The following CLIP3 variants were observed in gnomAD, a reference collection of about 807,000 sequenced individuals.
The protein encoded by CLIP3 is CAP-Gly domain-containing linker protein 3.
CLIP3 carries 15 observed loss-of-function variants against 59.4 expected under a neutral mutation model. That is an observed-to-expected ratio of 0.25 (90% CI 0.17 to 0.39). The LOEUF (loss-of-function observed/expected upper bound fraction) is 0.39. Ranked by LOEUF, CLIP3 falls within the 10% of genes least tolerant of loss-of-function variation. CLIP3 has a pLI of 1.00. For synonymous variants in CLIP3, 300 were observed against 321.6 expected, an observed-to-expected ratio of 0.93 and a Z score of 0.72; for missense variants, 495 against 765.7, an observed-to-expected ratio of 0.65 and a Z score of 4.17.
chr19:36,022,576 C>A (rs1016425227), intron 7 of CLIP3, among the ~76,000 whole-genome samples: 1 of 152,168 alleles, frequency 6.6e-6, no homozygotes, highest in African/African-American at 2.4e-5. Context: ...GTCAACCCAA[C>A]CTTCCTTCTG....
At chr19:36,031,898 G>C (rs1028010682) in intron 2 of CLIP3, among the ~76,000 whole-genome samples, 1 of 152,170 alleles carries the variant, frequency 6.6e-6, no homozygotes, top group East Asian at 1.9e-4. Context: ...CTTGCCCCCT[G>C]CTGTGGCCCC....
In CLIP3 at chr19:36,018,912, C is replaced by T. The variant is rs142192082; in HGVS notation, c.1169G>A (p.Arg390His). Reference protein sequence around the residue: ...MDFSRVTGKGRREHKGKKKTP... With the variant: ...MDFSRVTGKGHREHKGKKKTP... ...CCCTCTCTGACCTTTGTGTTCCCTGCGGCCTTTGCCGGTGACACGGGAGAA... is the reference window on the plus strand; with the variant it reads ...CCCTCTCTGACCTTTGTGTTCCCTGTGGCCTTTGCCGGTGACACGGGAGAA... The change falls in exon 9 of 14, where the codon CGC becomes CAC. Residue 390 changes from arginine to histidine, a missense_variant. Coordinates refer to ENST00000360535, the MANE Select transcript of CLIP3 (RefSeq NM_015526.3). 1.5e-4 allele frequency: 249 copies of T among 1,613,246 alleles called. No homozygotes were observed. Among genetic ancestry groups the T allele is most frequent in the Middle Eastern group, 3.3e-4 (2 of 6,080 alleles).
chr19:36,021,622 C>T (rs1968953858), intron 7 of CLIP3, among the ~76,000 whole-genome samples: 1 of 151,868 alleles, frequency 6.6e-6, no homozygotes. Flanking sequence ...TGAGGTCTCA[C>T]TATGTTGCCC....
intron 2 of CLIP3, among the ~76,000 whole-genome samples, chr19:36,030,518 A>G (rs1004253874): frequency 1.3e-5 from 2 of 152,002 alleles, no homozygotes; most frequent in Non-Finnish European, 2.9e-5. Flanking sequence ...CCCAGCCTGC[A>G]TATCTTCCAA....
chr19:36,016,227 G>C lies in CLIP3; in HGVS notation c.1590-15C>G, dbSNP rs755615918. ...AGAACAGCAACCTGGAAAGGAGGATGACAGGGTCACGCCCTTAGGCAGGCA... is the reference window on the plus strand; with the variant it reads ...AGAACAGCAACCTGGAAAGGAGGATCACAGGGTCACGCCCTTAGGCAGGCA... On this transcript the variant is annotated splice_polypyrimidine_tract_variant and intron_variant, in intron 13 of 13. Transcript: ENST00000360535. This position sits in a 1 kb window ranked among gnomAD's most constrained non-coding sequence, Gnocchi z 4.1. 3 of 1,614,054 alleles carry C rather than the reference G, an allele frequency of 1.9e-6. No homozygotes were observed. The highest frequency in any genetic ancestry group is 1.1e-5 in the South Asian group (1 of 91,072).
Position 36,024,317 on chromosome 19 carries a change from C to CCGAGGA in CLIP3, c.918+73_918+78dup, listed in dbSNP as rs1280502368. The CCGAGGA allele has an allele frequency of 5.4e-5, 68 of 1,269,138 alleles. No homozygotes were observed. In the Middle Eastern group the frequency reaches 8.1e-4, roughly 15 times the overall value. 78.6% of individuals were successfully genotyped at this position (1,269,138 alleles called of 1,614,324 possible). On this transcript the variant is annotated intron_variant, in intron 7 of 13. Transcript: ENST00000360535. ...ACAAAGGGCAGGGACTGCACTCTGC[C>CCGAGGA]CGAGGACGCAGCTCCAAGGGATTAA...
chr19:36,031,003 C>CTTTTTTTTTTTTTTTT (rs1568545487), intron 2 of CLIP3, among the ~76,000 whole-genome samples: 1 of 62,836 alleles, frequency 1.6e-5, no homozygotes, highest in Non-Finnish European at 3.2e-5. Flanking sequence ...TTCTTTTTTT[C>CTTTTTTTTTTTTTTTT]TTTTCTTTTT....
At position 36,026,247 on chromosome 19, in the gene CLIP3, C is replaced by T. The variant is rs775788609; in HGVS notation, c.581G>A (p.Ser194Asn). The T allele has an allele frequency of 1.9e-6, 3 of 1,613,384 alleles. No homozygotes were observed. The change falls in exon 6 of 14, where the codon AGT becomes AAT. Residue 194 changes from serine (S) to asparagine (N), a missense_variant. Transcript: ENST00000360535. The surrounding 1 kb of genome is among the most constrained non-coding windows in gnomAD (Gnocchi z 6.3). ...ARPRVVNSTC[S>N]DFNHGSALHI... is the part of the protein sequence containing the mutation. Reference sequence around the variant, plus strand: ...CAGGGCTGAGCCGTGGTTGAAGTCACTGCACGTGGAGTTCACCACTGGAAG... The same window carrying T: ...CAGGGCTGAGCCGTGGTTGAAGTCATTGCACGTGGAGTTCACCACTGGAAG...
intron 7 of CLIP3, among the ~76,000 whole-genome samples, chr19:36,021,542 GC>G (rs1306851017): frequency 6.6e-6 from 1 of 152,148 alleles, no homozygotes; most frequent in East Asian, 1.9e-4. Flanking sequence ...TCTCACTTCA[GC>G]CTCCCAAGTA....
chr19:36,025,999 G>A (rs1402574455), intron 6 of CLIP3, 148 bp downstream of exon 6: 3 of 633,300 alleles, frequency 4.7e-6, no homozygotes, highest in East Asian at 2.7e-5. Flanking sequence ...TGAACACTAG[G>A]CATATTTCAG....
At position 36,032,354 on chromosome 19, in the gene CLIP3, T is replaced by C; in HGVS notation, c.4A>G (p.Thr2Ala). Residue 2 changes from threonine (T) to alanine (A), a missense_variant, in exon 2 of 14, where the codon ACT becomes GCT. Physicochemically the swap from Thr to Ala is moderately conservative, Grantham distance 58 (BLOSUM62 0). Around this residue, in one of 5 missense-constraint regions of CLIP3, gnomAD observed 90 missense variants for 105.2 expected, o/e 0.86. Transcript: ENST00000360535. The surrounding 1 kb of genome is among the most constrained non-coding windows in gnomAD (Gnocchi z 4.3). M[T>A]KTDPAPMAPP... is the part of the protein sequence containing the mutation. ...GCCATCGGGGCAGGATCTGTCTTAG[T>C]CATGGTCCTCGGTGGCCCTCGGGGG... 3 of 1,255,734 alleles carry C rather than the reference T, an allele frequency of 2.4e-6. No homozygotes were observed. The highest frequency in any genetic ancestry group is 3.0e-6 in the Non-Finnish European group (3 of 991,350). 77.8% of individuals were successfully genotyped at this position (1,255,734 alleles called of 1,614,324 possible).
chr19:36,024,264 C>G, intron 7 of CLIP3, 132 bp downstream of exon 7: 1 of 706,736 alleles, frequency 1.4e-6, no homozygotes, highest in Non-Finnish European at 2.4e-6. Flanking sequence ...AAATCAAGTA[C>G]TGGGTGGATA....
At chr19:36,023,187 C>T (rs899300736) in intron 7 of CLIP3, among the ~76,000 whole-genome samples, 3 of 152,140 alleles carry the variant, frequency 2.0e-5, no homozygotes, top group Non-Finnish European at 4.4e-5. Flanking sequence ...TGCTGTGAGC[C>T]AAGATCGTGC....
Position 36,032,079 on chromosome 19 carries a change from A to G in CLIP3, c.166+113T>C. 1 of 528,130 alleles carries G rather than the reference A, an allele frequency of 1.9e-6. No homozygotes were observed. Among genetic ancestry groups the G allele is most frequent in the Non-Finnish European group, 3.0e-6 (1 of 331,416 alleles). 32.7% of individuals were successfully genotyped at this position (528,130 alleles called of 1,614,324 possible). On this transcript the variant is annotated intron_variant, in intron 2 of 13. Transcript: ENST00000360535. This position sits in a 1 kb window ranked among gnomAD's most constrained non-coding sequence, Gnocchi z 4.3. ...TGCTCTGCAGCCAAGATTCCTCTGGACCACCTTCAAATTCCCCAGAATTCT... is the reference window on the plus strand; with the variant it reads ...TGCTCTGCAGCCAAGATTCCTCTGGGCCACCTTCAAATTCCCCAGAATTCT...
intron 2 of CLIP3, among the ~76,000 whole-genome samples, chr19:36,029,306 CAAA>C (rs774000215): frequency 2.5e-5 from 3 of 120,050 alleles, no homozygotes; most frequent in African/African-American, 9.9e-5. Flanking sequence ...GAGTCCGTCT[CAAA>C]AAAAAAAAAA....
In CLIP3 at chr19:36,017,335, C is replaced by G. The variant is rs376006844; in HGVS notation, c.1516+51G>C. On this transcript the variant is annotated intron_variant, in intron 12 of 13. Coordinates refer to ENST00000360535, the MANE Select transcript of CLIP3 (RefSeq NM_015526.3). ...ATATACCTGAGAACCCATGACCCTTCCTCCCATCCCCAAACGTACACTCCT... is the reference window on the plus strand; with the variant it reads ...ATATACCTGAGAACCCATGACCCTTGCTCCCATCCCCAAACGTACACTCCT... 99 of 1,551,302 alleles carry G rather than the reference C, an allele frequency of 6.4e-5. 1 individual carries two copies. In the Middle Eastern group the frequency reaches 4.9e-3, roughly 77 times the overall value.
intron 7 of CLIP3, 200 bp from the exon 8 acceptor site, chr19:36,019,506 A>T: frequency 1.5e-6 from 1 of 672,944 alleles, no homozygotes. Context: ...CAGAAATTAT[A>T]CTCACCTTAT....
In CLIP3 at chr19:36,025,472, T is replaced by C. The variant is rs1282169371; in HGVS notation, c.681+675A>G. ...CGGGTGTGGTGGCGCATGCCTATAATTCTACCTACTCGGGAGGCTGAGGCA... is the reference window on the plus strand; with the variant it reads ...CGGGTGTGGTGGCGCATGCCTATAACTCTACCTACTCGGGAGGCTGAGGCA... On this transcript the variant is annotated intron_variant, in intron 6 of 13. Coordinates refer to ENST00000360535, the MANE Select transcript of CLIP3 (RefSeq NM_015526.3). 2.0e-5 allele frequency among the ~76,000 whole-genome samples: 3 copies of C among 151,902 alleles called. No individual in the cohort carries two copies. In the East Asian group the frequency reaches 5.8e-4, roughly 29 times the overall value.
At chr19:36,025,779 T>A (rs1969089351) in intron 6 of CLIP3, among the ~76,000 whole-genome samples, 1 of 152,112 alleles carries the variant, frequency 6.6e-6, no homozygotes, top group African/African-American at 2.4e-5. Context: ...TGGTAATGCA[T>A]AGGTCAGAGG....
Sources: allele counts gnomAD v4.1 joint callset (sites outside exome capture counted in the v4.1 genomes callset), GRCh38; gene constraint gnomAD v4.1.1; regional missense constraint gnomAD v4.1.1; non-coding constraint Gnocchi (gnomAD v3.1); transcripts MANE v1.5; gene names NCBI Gene and HGNC (gene_info 2026-07-23, HGNC 2026-07-21).